Variants in TLR2 observed in about 807,000 individuals in gnomAD.
TLR2 encodes toll like receptor 2.
Under a neutral mutation model 9.1 loss-of-function variants are expected in TLR2, and 7 were observed. The observed-to-expected ratio is 0.77, with a 90% CI of 0.44 to 1.44. The LOEUF (loss-of-function observed/expected upper bound fraction) is 1.44. Ranked by LOEUF, TLR2 falls within the 40% of genes most tolerant of loss-of-function variation. The pLI, the probability that TLR2 is intolerant of heterozygous loss-of-function variation, is 0.01. For missense variants in TLR2, 812 were observed against 904.6 expected (o/e 0.90, Z 1.31); for synonymous variants, 317 against 344.6 (o/e 0.92, Z 0.89).
chr4:153,699,862 A>G (rs1024787053), intron 2 of TLR2, among the ~76,000 whole-genome samples: 1 of 152,218 alleles, frequency 6.6e-6, no homozygotes, highest in Non-Finnish European at 1.5e-5. Flanking sequence ...AATTTAATTG[A>G]ATTTCTACAT....
chr4:153,697,069 G>C (rs940555064), intron 2 of TLR2, among the ~76,000 whole-genome samples: 1 of 152,086 alleles, frequency 6.6e-6, no homozygotes, highest in Non-Finnish European at 1.5e-5. Context: ...GAAAGAGAAA[G>C]AGTATAGAAG....
At chr4:153,689,134 T>C (rs1735925746) in intron 2 of TLR2, among the ~76,000 whole-genome samples, 1 of 152,226 alleles carries the variant, frequency 6.6e-6, no homozygotes, top group South Asian at 2.1e-4. Context: ...TGGAATGCTT[T>C]AAATATTTGT....
chr4:153,702,865 A>C lies in TLR2; in HGVS notation c.-16-27A>C, dbSNP rs1297709045. 6 of 1,544,986 alleles carry C rather than the reference A, an allele frequency of 3.9e-6. No individual in the cohort carries two copies. In the East Asian group the frequency reaches 1.4e-4, roughly 35 times the overall value. On this transcript the variant is annotated intron_variant, in intron 2 of 2. Transcript: ENST00000642700. ...TTACGATATGCTGTCAAACACAATG[A>C]CTTATTTGAACCTCTTTTATTTGTA...
chr4:153,704,878 C>A lies in TLR2; in HGVS notation c.1971C>A (p.Asn657Lys). Residue 657 changes from asparagine to lysine, a missense_variant, in exon 3 of 3, where the codon AAC becomes AAA. Asn to Lys is a moderately conservative substitution (Grantham distance 94). Transcript: ENST00000642700. ...AGCGGGATGCCTACTGGGTGGAGAACCTTATGGTCCAGGAGCTGGAGAACT... is the reference window on the plus strand; with the variant it reads ...AGCGGGATGCCTACTGGGTGGAGAAACTTATGGTCCAGGAGCTGGAGAACT... Reference protein sequence around the residue: ...YSERDAYWVENLMVQELENFN... With the variant: ...YSERDAYWVEKLMVQELENFN... The A allele has an allele frequency of 1.9e-6, 3 of 1,613,776 alleles. No homozygotes were observed. Among genetic ancestry groups the A allele is most frequent in the Admixed American group, 1.7e-5 (1 of 60,008 alleles).
At chr4:153,701,222 G>T (rs1258219905) in intron 2 of TLR2, among the ~76,000 whole-genome samples, 4 of 152,164 alleles carry the variant, frequency 2.6e-5, no homozygotes, top group Non-Finnish European at 4.4e-5. Context: ...GTATTAAGAG[G>T]TGTGACCTGT....
At chr4:153,700,666 GA>G (rs1344487582) in intron 2 of TLR2, among the ~76,000 whole-genome samples, 4 of 152,282 alleles carry the variant, frequency 2.6e-5, no homozygotes, top group African/African-American at 9.6e-5. Context: ...CGTATTTGAA[GA>G]AGAATAAGGA....
intron 2 of TLR2, among the ~76,000 whole-genome samples, chr4:153,688,884 T>C (rs537071371): frequency 6.6e-6 from 1 of 152,214 alleles, no homozygotes; most frequent in Non-Finnish European, 1.5e-5. Flanking sequence ...ATGTCCCCCT[T>C]TTTTGTTTTG....
intron 2 of TLR2, among the ~76,000 whole-genome samples, chr4:153,699,975 C>A (rs530880856): frequency 6.6e-6 from 1 of 152,208 alleles, no homozygotes; most frequent in African/African-American, 2.4e-5. Context: ...GCTCATGGTT[C>A]TGCAGGCTGT....
At chr4:153,698,539 G>A (rs535017202) in intron 2 of TLR2, among the ~76,000 whole-genome samples, 3 of 152,160 alleles carry the variant, frequency 2.0e-5, no homozygotes, top group African/African-American at 7.2e-5. Context: ...TAAAAGTTCT[G>A]CACTCTATGA....
At position 153,704,436 on chromosome 4, in the gene TLR2, C is replaced by A; in HGVS notation, c.1529C>A (p.Ala510Glu). The A allele has an allele frequency of 2.5e-6, 4 of 1,614,166 alleles. No homozygotes were observed. The highest frequency in any genetic ancestry group is 3.4e-6 in the Non-Finnish European group (4 of 1,180,012). Residue 510 changes from alanine (A) to glutamate (E), a missense_variant, in exon 3 of 3, where the codon GCA (alanine) becomes GAA (glutamate). Physicochemically the swap from Ala to Glu is moderately radical, Grantham distance 107 (BLOSUM62 -1). Transcript: ENST00000642700. ...CTAGTATTGAAAATCAGTAGGAATGCAATAACTACGTTTTCTAAGGAGCAA... is the reference window on the plus strand; with the variant it reads ...CTAGTATTGAAAATCAGTAGGAATGAAATAACTACGTTTTCTAAGGAGCAA... ...MLLVLKISRN[A>E]ITTFSKEQLD...
intron 2 of TLR2, among the ~76,000 whole-genome samples, chr4:153,695,164 T>C (rs968258240): frequency 1.3e-5 from 2 of 152,208 alleles, no homozygotes; most frequent in African/African-American, 4.8e-5. Context: ...GATATATTGA[T>C]TTCCTTTATT....
At chr4:153,690,064 A>G (rs1377208648) in intron 2 of TLR2, among the ~76,000 whole-genome samples, 1 of 152,200 alleles carries the variant, frequency 6.6e-6, no homozygotes, top group Non-Finnish European at 1.5e-5. Context: ...GCCTGGAGAA[A>G]CACAAGCATA....
At chr4:153,686,873 C>T (rs1224416473) in intron 1 of TLR2, among the ~76,000 whole-genome samples, 1 of 152,062 alleles carries the variant, frequency 6.6e-6, no homozygotes, top group Non-Finnish European at 1.5e-5. Flanking sequence ...CATAAGGAAC[C>T]TATACTACTT....
intron 2 of TLR2, among the ~76,000 whole-genome samples, chr4:153,689,778 G>A (rs2127017758): frequency 1.3e-5 from 2 of 152,308 alleles, no homozygotes; most frequent in East Asian, 3.9e-4. Context: ...GGTGATCACT[G>A]CTATCATAGC....
intron 2 of TLR2, among the ~76,000 whole-genome samples, chr4:153,701,283 C>T (rs1327745802): frequency 6.6e-6 from 1 of 152,036 alleles, no homozygotes; most frequent in African/African-American, 2.4e-5. Flanking sequence ...GGATTAGCAT[C>T]CTTATAAAAG....
chr4:153,688,094 T>C (rs1470351677), intron 2 of TLR2, 47 bp downstream of exon 2: 1 of 152,220 alleles, frequency 6.6e-6, no homozygotes, highest in Non-Finnish European at 1.5e-5. Flanking sequence ...CATTTTCAGC[T>C]CTCTGACTTT....
At position 153,704,707 on chromosome 4, in the gene TLR2, G is replaced by C; in HGVS notation, c.1800G>C (p.Leu600=). 6.2e-7 allele frequency: 1 copy of C among 1,613,902 alleles called. No individual in the cohort carries two copies. The highest frequency in any genetic ancestry group is 8.5e-7 in the Non-Finnish European group (1 of 1,179,972). ...CTGGCATGTGCTGTGCTCTGTTCCTGCTGATCCTGCTCACGGGGGTCCTGT... is the reference window on the plus strand; with the variant it reads ...CTGGCATGTGCTGTGCTCTGTTCCTCCTGATCCTGCTCACGGGGGTCCTGT... ...LVSGMCCALF[L]LILLTGVLCH... The change falls in exon 3 of 3, where the codon CTG becomes CTC. Residue 600 remains leucine, a synonymous_variant. Coordinates refer to ENST00000642700, the MANE Select transcript of TLR2 (RefSeq NM_001318789.2).
At chr4:153,695,030 C>T (rs562731144) in intron 2 of TLR2, among the ~76,000 whole-genome samples, 27 of 152,180 alleles carry the variant, frequency 1.8e-4, no homozygotes, top group African/African-American at 6.3e-4. Context: ...TGAATAGTAC[C>T]CCATTGTATA....
chr4:153,702,883 T>A lies in TLR2; in HGVS notation c.-16-9T>A. Reference sequence around the variant, plus strand: ...CACAATGACTTATTTGAACCTCTTTTATTTGTAGGTTGAAGCACTGGACAA... The same window carrying A: ...CACAATGACTTATTTGAACCTCTTTAATTTGTAGGTTGAAGCACTGGACAA... On this transcript the variant is annotated splice_polypyrimidine_tract_variant and intron_variant, in intron 2 of 2. Coordinates refer to ENST00000642700, the MANE Select transcript of TLR2 (RefSeq NM_001318789.2). The A allele has an allele frequency of 1.9e-6, 3 of 1,563,856 alleles. No individual in the cohort carries two copies. Among genetic ancestry groups the A allele is most frequent in the Non-Finnish European group, 2.6e-6 (3 of 1,156,644 alleles).
Sources: allele counts gnomAD v4.1 joint callset (sites outside exome capture counted in the v4.1 genomes callset), GRCh38; gene constraint gnomAD v4.1.1; transcripts MANE v1.5; gene names NCBI Gene and HGNC (gene_info 2026-07-23, HGNC 2026-07-21).